The following KCNQ2 variants were observed in gnomAD, a reference collection of about 807,000 sequenced individuals.
KCNQ2 encodes potassium voltage-gated channel subfamily KQT member 2.
A neutral mutation model predicts 84.8 loss-of-function variants in KCNQ2; 14 were observed. That is an observed-to-expected ratio of 0.17 (90% CI 0.11 to 0.26). The LOEUF (loss-of-function observed/expected upper bound fraction) is 0.26. Among genes scored for constraint, KCNQ2 ranks in the 10% least tolerant of loss-of-function variants. The probability of loss-of-function intolerance (pLI) is 1.00; values close to 1 mark genes in which losing one functional copy is unlikely to be tolerated. For missense variants in KCNQ2, 788 were observed against 1,254.0 expected (o/e 0.63, Z 5.61); for synonymous variants, 599 against 554.1 (o/e 1.08, Z -1.14).
chr20:63,438,861 T>G lies in KCNQ2; in HGVS notation c.928-141A>C. 1 of 614,498 alleles carries G rather than the reference T, an allele frequency of 1.6e-6. No homozygotes were observed. Among genetic ancestry groups the G allele is most frequent in the East Asian group, 3.2e-5 (1 of 31,476 alleles). 38.1% of individuals were successfully genotyped at this position (614,498 alleles called of 1,614,324 possible). Reference sequence around the variant, plus strand: ...CTCCAGAGACTCACACACCCCCCAATTCATCAGGGTCAGACCACGCCCCAG... The same window carrying G: ...CTCCAGAGACTCACACACCCCCCAAGTCATCAGGGTCAGACCACGCCCCAG... On this transcript the variant is annotated intron_variant, in intron 6 of 16. Transcript: ENST00000359125. The surrounding 1 kb of genome is among the most constrained non-coding windows in gnomAD (Gnocchi z 5.1).
Position 63,446,487 on chromosome 20 carries a change from C to G in KCNQ2, c.387+260G>C, listed in dbSNP as rs977451718. ...GAGGGTGGCCCACCCAGGGTGGGGGCGATGGAGGCGGGGCTGTCAGCCACT... is the reference window on the plus strand; with the variant it reads ...GAGGGTGGCCCACCCAGGGTGGGGGGGATGGAGGCGGGGCTGTCAGCCACT... On this transcript the variant is annotated intron_variant, in intron 2 of 16. Transcript: ENST00000359125. This position sits in a 1 kb window ranked among gnomAD's most constrained non-coding sequence, Gnocchi z 5.5. Among the ~76,000 whole-genome samples the G allele has an allele frequency of 1.3e-5, 2 of 151,926 alleles. No homozygotes were observed. Among genetic ancestry groups the G allele is most frequent in the African/African-American group, 2.4e-5 (1 of 41,354 alleles).
chr20:63,442,815 C>T (rs893526196), intron 4 of KCNQ2, among the ~76,000 whole-genome samples: 1 of 73,548 alleles, frequency 1.4e-5, no homozygotes, highest in Non-Finnish European at 2.9e-5. Flanking sequence ...ATTACCACCA[C>T]CATCACCATC....
At chr20:63,442,617 ACACCATGAC>A (rs2081197998) in intron 4 of KCNQ2, 86 bp from the exon 5 acceptor site, 1 of 1,408,124 alleles carries the variant, frequency 7.1e-7, no homozygotes, top group Non-Finnish European at 9.8e-7. Context: ...CATCACATCA[ACACCATGAC>A]CACCATCACC....
rs1433056811 is a variant in KCNQ2 at position 63,472,193 on chromosome 20, A to C, written c.271T>G (p.Trp91Gly). ...LYNVLERPRG[W>G]AFIYHAYVFL... ...ACGTAGGCGTGGTAGATGAACGCCC[A>C]GCCGCGCGGCCGCTCCAGCACGTTG... Residue 91 changes from tryptophan (W) to glycine (G), a missense_variant, in exon 1 of 17, where the codon TGG becomes GGG. Trp to Gly is a radical substitution (Grantham distance 184). Coordinates refer to ENST00000359125, the MANE Select transcript of KCNQ2 (RefSeq NM_172107.4). The C allele has an allele frequency of 5.2e-6, 8 of 1,535,156 alleles. No individual in the cohort carries two copies. Among genetic ancestry groups the C allele is most frequent in the Non-Finnish European group, 7.0e-6 (8 of 1,142,158 alleles).
chr20:63,420,559 C>T (rs1970721940), intron 11 of KCNQ2, among the ~76,000 whole-genome samples: 1 of 151,704 alleles, frequency 6.6e-6, no homozygotes, highest in Non-Finnish European at 1.5e-5. Context: ...TCAGAACACA[C>T]AGGCTCTAGG....
chr20:63,427,073 T>C (rs1210421779), intron 10 of KCNQ2, among the ~76,000 whole-genome samples: 1 of 152,042 alleles, frequency 6.6e-6, no homozygotes, highest in Non-Finnish European at 1.5e-5. Context: ...ATAACAAAAC[T>C]TAGCCGGGCG....
intron 1 of KCNQ2, chr20:63,459,124 A>G (rs1356223346): frequency 6.6e-6 from 1 of 152,296 alleles, no homozygotes; most frequent in Non-Finnish European, 1.5e-5. Context: ...GGAGAGGATG[A>G]AGGAGTACCC....
intron 1 of KCNQ2, among the ~76,000 whole-genome samples, chr20:63,454,980 C>T (rs1206548406): frequency 6.6e-6 from 1 of 152,242 alleles, no homozygotes; most frequent in Non-Finnish European, 1.5e-5. Context: ...CACAGCCCAC[C>T]ACGGGGCACT....
chr20:63,401,726 G>C lies in KCNQ2; in HGVS notation c.*4918C>G. 5.6e-6 allele frequency: 1 copy of C among 179,392 alleles called. No homozygotes were observed. The highest frequency in any genetic ancestry group is 1.2e-5 in the Non-Finnish European group (1 of 84,528). 11.1% of individuals were successfully genotyped at this position (179,392 alleles called of 1,614,324 possible). A position where few individuals can be genotyped will look rare whatever the true frequency, so the allele number is the denominator to read the frequency against. On this transcript the variant is annotated 3_prime_UTR_variant, in exon 17 of 17. Transcript: ENST00000359125. ...GCACCGGACAGGATCAGAGGACACT[G>C]GGGGCACCCGTGCACTGAGCACCCA...
At chr20:63,420,119 G>A (rs1280547122) in intron 11 of KCNQ2, among the ~76,000 whole-genome samples, 4 of 152,204 alleles carry the variant, frequency 2.6e-5, no homozygotes, top group African/African-American at 7.2e-5. Flanking sequence ...CAAACCAATC[G>A]GCGACGTTTG....
chr20:63,450,233 G>A (rs1396452094), intron 1 of KCNQ2, among the ~76,000 whole-genome samples: 1 of 151,206 alleles, frequency 6.6e-6, no homozygotes, highest in Non-Finnish European at 1.5e-5. Context: ...CTGCTCCGGA[G>A]GGACCTAGAC....
At chr20:63,431,263 G>T in intron 9 of KCNQ2, 77 bp downstream of exon 9, 1 of 1,565,216 alleles carries the variant, frequency 6.4e-7, no homozygotes, top group Non-Finnish European at 8.8e-7. Context: ...GGGCTCCAGG[G>T]GCTTGCCCGG....
chr20:63,419,656 T>C lies in KCNQ2; in HGVS notation c.1264A>G (p.Arg422Gly). Residue 422 changes from arginine (R) to glycine (G), a missense_variant, in exon 12 of 17, where the codon AGA becomes GGA. Physicochemically the swap from Arg to Gly is moderately radical, Grantham distance 125 (BLOSUM62 -2). Transcript: ENST00000359125. ...EPSPSKGSPC[R>G]GPLCGCCPGR... Reference sequence around the variant, plus strand: ...GGGCAGCATCCACACAGGGGCCCTCTGCACGGGCTGCCTTTACTGGAAATG... The same window carrying C: ...GGGCAGCATCCACACAGGGGCCCTCCGCACGGGCTGCCTTTACTGGAAATG... 1 of 1,611,428 alleles carries C rather than the reference T, an allele frequency of 6.2e-7. No individual in the cohort carries two copies. The highest frequency in any genetic ancestry group is 8.5e-7 in the Non-Finnish European group (1 of 1,179,498).
Position 63,406,634 on chromosome 20 carries a change from C to T in KCNQ2, c.*10G>A. On this transcript the variant is annotated 3_prime_UTR_variant, in exon 17 of 17. Coordinates refer to ENST00000359125, the MANE Select transcript of KCNQ2 (RefSeq NM_172107.4). ...AGGGCCGCGGGCGGGTCCACTGGCC[C>T]AGCGCCGCCTCACTTCCTGGGCCCG... 1 of 1,584,266 alleles carries T rather than the reference C, an allele frequency of 6.3e-7. No homozygotes were observed. Among genetic ancestry groups the T allele is most frequent in the African/African-American group, 1.3e-5 (1 of 74,618 alleles).
At chr20:63,433,317 A>G (rs148421567) in intron 8 of KCNQ2, 17 of 206,048 alleles carry the variant, frequency 8.3e-5, no homozygotes, top group Non-Finnish European at 1.5e-4. Flanking sequence ...CCCCCAGGAT[A>G]ATTTGAGTTT....
In KCNQ2 at chr20:63,408,629, T is replaced by C; in HGVS notation, c.1764-93A>G. ...TGGACCAGGCCACAGTGCCCCTGGGTCTAGGCTGCAGGCTCAGCCCAGAGC... is the reference window on the plus strand; with the variant it reads ...TGGACCAGGCCACAGTGCCCCTGGGCCTAGGCTGCAGGCTCAGCCCAGAGC... On this transcript the variant is annotated intron_variant, in intron 15 of 16. Transcript: ENST00000359125. The surrounding 1 kb of genome is among the most constrained non-coding windows in gnomAD (Gnocchi z 5.0). The C allele has an allele frequency of 6.4e-7, 1 of 1,551,596 alleles. No individual in the cohort carries two copies. The highest frequency in any genetic ancestry group is 8.7e-7 in the Non-Finnish European group (1 of 1,151,148).
intron 5 of KCNQ2, among the ~76,000 whole-genome samples, chr20:63,441,007 C>T (rs889983221): frequency 3.4e-5 from 5 of 145,846 alleles, no homozygotes; most frequent in Non-Finnish European, 7.5e-5. Flanking sequence ...TCGCTCTGTC[C>T]CCCAGGCTGG....
chr20:63,406,638 G>A lies in KCNQ2; in HGVS notation c.*6C>T, dbSNP rs746924909. 1.3e-5 allele frequency: 20 copies of A among 1,585,994 alleles called. No homozygotes were observed. The highest frequency in any genetic ancestry group is 3.4e-5 in the Admixed American group (2 of 58,348). ...CCGCGGGCGGGTCCACTGGCCCAGC[G>A]CCGCCTCACTTCCTGGGCCCGGCCC... On this transcript the variant is annotated 3_prime_UTR_variant, in exon 17 of 17. Coordinates refer to ENST00000359125, the MANE Select transcript of KCNQ2 (RefSeq NM_172107.4).
chr20:63,419,012 A>C (rs1175940492), intron 12 of KCNQ2, among the ~76,000 whole-genome samples: 1 of 152,094 alleles, frequency 6.6e-6, no homozygotes, highest in East Asian at 1.9e-4. Context: ...CACACCCAAC[A>C]GCAGACAGGG....
Sources: allele counts gnomAD v4.1 joint callset (sites outside exome capture counted in the v4.1 genomes callset), GRCh38; gene constraint gnomAD v4.1.1; non-coding constraint Gnocchi (gnomAD v3.1); transcripts MANE v1.5; gene names NCBI Gene and HGNC (gene_info 2026-07-23, HGNC 2026-07-21).